The following LETM1 variants were observed in gnomAD, a reference collection of about 807,000 sequenced individuals.
LETM1 encodes the protein leucine zipper and EF-hand containing transmembrane protein 1.
In LETM1, 50 loss-of-function variants were observed where a neutral mutation model predicts 74.5. The observed-to-expected ratio is 0.67, with a 90% confidence interval of 0.53 to 0.85. The LOEUF (loss-of-function observed/expected upper bound fraction) is 0.85, where lower values mean the gene tolerates loss of function less well. Ranked by LOEUF, LETM1 falls within the 40% of genes least tolerant of loss-of-function variation. The pLI, the probability that LETM1 is intolerant of heterozygous loss-of-function variation, is 0.00. For missense variants in LETM1, 824 were observed against 967.8 expected, an observed-to-expected ratio of 0.85 and a Z score of 1.97; for synonymous variants, 446 against 407.1, an observed-to-expected ratio of 1.10 and a Z score of -1.15.
intron 6 of LETM1, among the ~76,000 whole-genome samples, 191 bp downstream of exon 6, chr4:1,832,553 G>A (rs1276432344): frequency 6.6e-6 from 1 of 152,136 alleles, no homozygotes; most frequent in African/African-American, 2.4e-5. Flanking sequence ...GAGATCATCC[G>A]AGAAGGTGCC....
chr4:1,836,592 T>A lies in LETM1; in HGVS notation c.595-20A>T, dbSNP rs769585604. The A allele has an allele frequency of 5.0e-6, 8 of 1,613,014 alleles. No homozygotes were observed. In the South Asian group the frequency reaches 8.8e-5, roughly 18 times the overall value. ...GAGAAACTGGAAGGGGCGGAATCCATCAGAGGGGAGCAGAGCACATGTGGG... is the reference window on the plus strand; with the variant it reads ...GAGAAACTGGAAGGGGCGGAATCCAACAGAGGGGAGCAGAGCACATGTGGG... On this transcript the variant is annotated intron_variant, in intron 3 of 13. Transcript: ENST00000302787. This position sits in a 1 kb window ranked among gnomAD's most constrained non-coding sequence, Gnocchi z 5.8.
Position 1,816,918 on chromosome 4 carries a change from A to G in LETM1, c.1744-4T>C, listed in dbSNP as rs530212467. 7.5e-6 allele frequency: 12 copies of G among 1,607,324 alleles called. No homozygotes were observed. In the African/African-American group the frequency reaches 9.4e-5, roughly 13 times the overall value. ...CCTTCTTGATCTCCTGCAAGTCCTA[A>G]TAAAATTATTTTGGTTGTAAAAAGT... is the stretch of plus-strand genomic sequence containing the variant. On this transcript the variant is annotated splice_polypyrimidine_tract_variant and splice_region_variant and intron_variant, in intron 11 of 13. Coordinates refer to ENST00000302787, the MANE Select transcript of LETM1 (RefSeq NM_012318.3).
intron 9 of LETM1, 32 bp from the exon 10 acceptor site, chr4:1,822,344 C>T (rs776279291): frequency 7.0e-5 from 100 of 1,434,596 alleles, no homozygotes; most frequent in Non-Finnish European, 8.3e-5. Context: ...GCCCAGCGCC[C>T]GCCATCACAC....
chr4:1,856,079 C>G lies in LETM1; in HGVS notation c.-129G>C. 2.1e-6 allele frequency: 1 copy of G among 481,034 alleles called. No individual in the cohort carries two copies. Among genetic ancestry groups the G allele is most frequent in the Non-Finnish European group, 3.2e-6 (1 of 316,520 alleles). 29.8% of individuals were successfully genotyped at this position (481,034 alleles called of 1,614,324 possible). ...GACGGCTGACAGAGGCGGCTGGCCT[C>G]GGACGGGAGGCGCTCTCCTCAAGGA... On this transcript the variant is annotated 5_prime_UTR_variant, in exon 1 of 14. Coordinates refer to ENST00000302787, the MANE Select transcript of LETM1 (RefSeq NM_012318.3).
Position 1,841,608 on chromosome 4 carries a change from C to T in LETM1, c.333G>A (p.Ser111=), listed in dbSNP as rs754403408. Residue 111 remains serine (S), a synonymous_variant, in exon 3 of 14, where the codon TCG becomes TCA. Transcript: ENST00000302787. ...QCLPVRGWHS[S]RPVRDDSVVE... ...CTACCGAGTCATCGCGAACAGGGCG[C>T]GAAGAGTGCCAGCCACGCACAGGAA... 15 of 1,614,044 alleles carry T rather than the reference C, an allele frequency of 9.3e-6. No individual in the cohort carries two copies. Among genetic ancestry groups the T allele is most frequent in the Admixed American group, 1.7e-5 (1 of 60,006 alleles).
Position 1,822,169 on chromosome 4 carries a change from C to G in LETM1, c.1608+12G>C, listed in dbSNP as rs375669503. The stretch of plus-strand genomic sequence containing the variant: ...TCCTCAGCCTCCAGGGCCCCAGAAC[C>G]TGCCTCATTACCTTCAAGCCCTCCA... On this transcript the variant is annotated intron_variant, in intron 10 of 13. Transcript: ENST00000302787. 1.4e-6 allele frequency: 2 copies of G among 1,400,090 alleles called. No homozygotes were observed. The highest frequency in any genetic ancestry group is 1.9e-6 in the Non-Finnish European group (2 of 1,062,448). The allele number at this position is 1,400,090 out of a possible 1,614,324, so 86.7% of individuals were successfully genotyped here.
At chr4:1,837,550 AT>A (rs1712500232) in intron 3 of LETM1, among the ~76,000 whole-genome samples, 1 of 149,882 alleles carries the variant, frequency 6.7e-6, no homozygotes, top group Non-Finnish European at 1.5e-5. Context: ...AAGCTGGCAC[AT>A]GTGTTTTTTG....
At chr4:1,830,256 C>T (rs763904043) in intron 6 of LETM1, among the ~76,000 whole-genome samples, 1 of 152,196 alleles carries the variant, frequency 6.6e-6, no homozygotes, top group Non-Finnish European at 1.5e-5. Context: ...TTTATCTTAT[C>T]CATTCTGCTG....
chr4:1,850,496 A>G (rs1475090239), intron 1 of LETM1, among the ~76,000 whole-genome samples: 1 of 152,044 alleles, frequency 6.6e-6, no homozygotes, highest in Non-Finnish European at 1.5e-5. Flanking sequence ...AAGGGGCAAG[A>G]GCTGTAAGAA....
intron 3 of LETM1, among the ~76,000 whole-genome samples, chr4:1,837,754 A>C (rs1014269571): frequency 7.6e-5 from 10 of 132,154 alleles, no homozygotes; most frequent in African/African-American, 3.0e-4. Context: ...CCCAGGCTGG[A>C]GTGCAATCGC....
intron 13 of LETM1, 93 bp downstream of exon 13, chr4:1,815,571 G>C: frequency 7.0e-7 from 1 of 1,434,868 alleles, no homozygotes; most frequent in South Asian, 1.3e-5. Flanking sequence ...TAGCTGCCCA[G>C]GAGGGTGCCG....
intron 1 of LETM1, among the ~76,000 whole-genome samples, chr4:1,853,738 C>G (rs1380530511): frequency 6.6e-6 from 1 of 152,194 alleles, no homozygotes; most frequent in African/African-American, 2.4e-5. Flanking sequence ...AGTTCATTAA[C>G]TGTGACAACG....
Position 1,836,979 on chromosome 4 carries a change from A to C in LETM1, c.595-407T>G, listed in dbSNP as rs1272576572. On this transcript the variant is annotated intron_variant, in intron 3 of 13. Coordinates refer to ENST00000302787, the MANE Select transcript of LETM1 (RefSeq NM_012318.3). This position sits in a 1 kb window ranked among gnomAD's most constrained non-coding sequence, Gnocchi z 5.8. ...CACCTTCTCTTGGAGGGTGCTCTAT[A>C]AGGAGGGCTTCTCTTGTGTTTCCTA... Among the ~76,000 whole-genome samples, 5 of 152,148 alleles carry C rather than the reference A, an allele frequency of 3.3e-5. No homozygotes were observed. Among genetic ancestry groups the C allele is most frequent in the Non-Finnish European group, 7.4e-5 (5 of 68,012 alleles).
At position 1,856,030 on chromosome 4, in the gene LETM1, G is replaced by A. The variant is rs1713231527; in HGVS notation, c.-80C>T. 3.1e-6 allele frequency: 3 copies of A among 956,902 alleles called. No individual in the cohort carries two copies. The highest frequency in any genetic ancestry group is 1.1e-4 in the South Asian group (2 of 18,722). 59.3% of individuals were successfully genotyped at this position (956,902 alleles called of 1,614,324 possible). The stretch of plus-strand genomic sequence containing the variant: ...GGCCGCGGCTCTTCGCCGTCCCGGC[G>A]GCGCTTCAGACCCGGCCCGCGCGGA... On this transcript the variant is annotated 5_prime_UTR_variant, in exon 1 of 14. Transcript: ENST00000302787.
chr4:1,817,160 G>A (rs1032631081), intron 11 of LETM1, among the ~76,000 whole-genome samples: 1 of 148,528 alleles, frequency 6.7e-6, no homozygotes, highest in African/African-American at 2.5e-5. Flanking sequence ...CAGGAGAATC[G>A]CTTGAACCCA....
intron 7 of LETM1, among the ~76,000 whole-genome samples, chr4:1,824,365 C>T (rs1411322886): frequency 6.6e-6 from 1 of 152,198 alleles, no homozygotes; most frequent in Non-Finnish European, 1.5e-5. Context: ...TACGGGCCCG[C>T]AGAGGCAGTG....
intron 1 of LETM1, among the ~76,000 whole-genome samples, chr4:1,851,695 G>A (rs569654364): frequency 6.6e-6 from 1 of 152,332 alleles, no homozygotes; most frequent in Admixed American, 6.5e-5. Flanking sequence ...CACATGAAGA[G>A]GGCCCAGCGC....
chr4:1,825,812 C>A, intron 6 of LETM1, 129 bp from the exon 7 acceptor site: 2 of 1,099,094 alleles, frequency 1.8e-6, no homozygotes, highest in South Asian at 1.5e-5. Context: ...GCCACCAAAG[C>A]CCAGTTCTAG....
rs781520478 is a variant in LETM1, at chr4:1,822,251, G to T, written c.1538C>A (p.Pro513Gln). 39 of 1,549,110 alleles carry T rather than the reference G, an allele frequency of 2.5e-5. No homozygotes were observed. The highest frequency in any genetic ancestry group is 3.7e-5 in the Admixed American group (2 of 54,624). Residue 513 changes from proline (P) to glutamine (Q), a missense_variant, in exon 10 of 14, where the codon CCA becomes CAA. Physicochemically the swap from Pro to Gln is moderately conservative, Grantham distance 76 (BLOSUM62 -1). Transcript: ENST00000302787. ...CTGCAGGACTGTGTCAGGCATTTCT[G>T]GCTGTGGCTCGGTCCCCGGCCTTTG... is the stretch of plus-strand genomic sequence containing the variant. ...APQRPGTEPQ[P>Q]EMPDTVLQSE...
Sources: gnomAD v4.1 joint callset for allele counts (sites outside exome capture counted in the v4.1 genomes callset) on GRCh38, gnomAD v4.1.1 for gene constraint, Gnocchi (gnomAD v3.1) non-coding constraint, MANE v1.5 for transcripts, NCBI Gene and HGNC (gene_info 2026-07-23, HGNC 2026-07-21) for gene names.